The following SAMD5 variants were observed in gnomAD, a reference collection of about 807,000 sequenced individuals.
SAMD5 encodes sterile alpha motif domain containing 5.
Under a neutral mutation model 11.3 loss-of-function variants are expected in SAMD5, and 13 were observed. That is an observed-to-expected ratio of 1.15 (90% CI 0.75 to 1.83). SAMD5 has a LOEUF of 1.83. Among genes scored for constraint, SAMD5 ranks in the 40% most tolerant of loss-of-function variants. The probability of loss-of-function intolerance (pLI) is 0.00; values close to 1 mark genes in which losing one functional copy is unlikely to be tolerated. For missense variants in SAMD5, 255 were observed against 239.1 expected (o/e 1.07, Z -0.44); for synonymous variants, 129 against 111.3 (o/e 1.16, Z -1.00).
intron 1 of SAMD5, among the ~76,000 whole-genome samples, chr6:147,692,919 A>G (rs1189189019): frequency 6.6e-6 from 1 of 152,250 alleles, no homozygotes; most frequent in East Asian, 1.9e-4. Flanking sequence ...CACAATCTCC[A>G]AAAGTTCAGA....
chr6:147,597,452 A>G lies in SAMD5; in HGVS notation c.162+88065A>G, dbSNP rs999700823. Among the ~76,000 whole-genome samples, 4 of 152,300 alleles carry G rather than the reference A, an allele frequency of 2.6e-5. No homozygotes were observed. In the East Asian group the frequency reaches 5.8e-4, roughly 22 times the overall value. ...AATCTATTTGTAATTACTTGAGGTTATCCTTCTCACTCACGTATGTGACAT... is the reference window on the plus strand; with the variant it reads ...AATCTATTTGTAATTACTTGAGGTTGTCCTTCTCACTCACGTATGTGACAT... On this transcript the variant is annotated intron_variant, in intron 1 of 1. Transcript: ENST00000566741.
the SAMD5 span, among the ~76,000 whole-genome samples, chr6:147,925,937 G>C: frequency 6.6e-6 from 1 of 152,166 alleles, no homozygotes; most frequent in Non-Finnish European, 1.5e-5. Flanking sequence ...AGAAAATGCA[G>C]TATTTGGGTT....
At chr6:147,817,487 C>T in the SAMD5 span, among the ~76,000 whole-genome samples, 1 of 152,230 alleles carries the variant, frequency 6.6e-6, no homozygotes, top group Non-Finnish European at 1.5e-5. Flanking sequence ...CATGCATCAC[C>T]ATGTCTTTTT....
intron 1 of SAMD5, among the ~76,000 whole-genome samples, chr6:147,523,476 T>G (rs1318878118): frequency 6.6e-6 from 1 of 152,232 alleles, no homozygotes; most frequent in East Asian, 1.9e-4. Context: ...ACCCAACACT[T>G]TCCAAGGTAA....
At chr6:147,797,458 G>A in the SAMD5 span, among the ~76,000 whole-genome samples, 1 of 90,880 alleles carries the variant, frequency 1.1e-5, no homozygotes, top group Non-Finnish European at 1.9e-5. Context: ...TGTGCTGCTT[G>A]ATTCGGTTTG....
chr6:147,909,630 T>TCTCTCTCTCTCTCTCTCTCTC, the SAMD5 span, among the ~76,000 whole-genome samples: 1 of 44,538 alleles, frequency 2.2e-5, no homozygotes, highest in African/African-American at 1.3e-4. Context: ...CTTTCTTTCT[T>TCTCTCTCTCTCTCTCTCTCTC]TCTCTTTCTT....
chr6:147,717,623 T>A (rs9403881), intron 1 of SAMD5, among the ~76,000 whole-genome samples: 68,337 of 152,056 alleles, frequency 0.45, 16,369 homozygotes, highest in Non-Finnish European at 0.52. Flanking sequence ...TTATCTACAA[T>A]GAATTTTAAA....
the SAMD5 span, among the ~76,000 whole-genome samples, chr6:147,929,063 T>G: frequency 6.6e-6 from 1 of 152,140 alleles, no homozygotes; most frequent in Non-Finnish European, 1.5e-5. Context: ...TGCTGAGGAT[T>G]GTTTTTCATG....
the SAMD5 span, among the ~76,000 whole-genome samples, chr6:147,938,800 G>A: frequency 1.3e-5 from 2 of 152,320 alleles, no homozygotes; most frequent in African/African-American, 2.4e-5. Flanking sequence ...GACTTGGTAT[G>A]TACTGTTTTT....
chr6:147,921,215 A>G, the SAMD5 span, among the ~76,000 whole-genome samples: 9 of 151,958 alleles, frequency 5.9e-5, no homozygotes, highest in South Asian at 1.9e-3. Flanking sequence ...GGTTGTCTAT[A>G]AAATTCATTC....
At chr6:147,815,942 C>T in the SAMD5 span, among the ~76,000 whole-genome samples, 1 of 151,974 alleles carries the variant, frequency 6.6e-6, no homozygotes, top group African/African-American at 2.4e-5. Context: ...GGAATTTAAG[C>T]TTGCTATGCT....
At chr6:147,898,213 T>C in the SAMD5 span, among the ~76,000 whole-genome samples, 2 of 152,108 alleles carry the variant, frequency 1.3e-5, no homozygotes, top group Non-Finnish European at 2.9e-5. Context: ...CAGCGTGATA[T>C]ATGACTGCCA....
chr6:147,620,141 A>G (rs1295351623), intron 1 of SAMD5, among the ~76,000 whole-genome samples: 1 of 152,168 alleles, frequency 6.6e-6, no homozygotes, highest in Non-Finnish European at 1.5e-5. Context: ...CTGCTTAGGG[A>G]AGCCCCGTGC....
chr6:147,529,495 A>T (rs1306617809), intron 1 of SAMD5, among the ~76,000 whole-genome samples: 1 of 152,218 alleles, frequency 6.6e-6, no homozygotes, highest in Non-Finnish European at 1.5e-5. Context: ...CTTATAATGT[A>T]TACACGCAGA....
At chr6:147,601,890 C>T (rs1789620463) in intron 1 of SAMD5, among the ~76,000 whole-genome samples, 1 of 152,066 alleles carries the variant, frequency 6.6e-6, no homozygotes, top group South Asian at 2.1e-4. Flanking sequence ...AGGGAGTGTT[C>T]ATATTTCGTG....
intron 1 of SAMD5, among the ~76,000 whole-genome samples, chr6:147,647,066 C>T (rs1258943090): frequency 1.3e-5 from 2 of 151,544 alleles, no homozygotes; most frequent in Non-Finnish European, 2.9e-5. Flanking sequence ...ACTCAGGAGG[C>T]TGAGGCAGGA....
chr6:147,908,621 T>C, the SAMD5 span, among the ~76,000 whole-genome samples: 2 of 152,204 alleles, frequency 1.3e-5, no homozygotes, highest in Non-Finnish European at 1.5e-5. Flanking sequence ...AGAACAACTA[T>C]ATGTTGCATA....
the SAMD5 span, among the ~76,000 whole-genome samples, chr6:147,911,313 C>T: frequency 3.9e-4 from 59 of 152,252 alleles, 3 homozygotes; most frequent in South Asian, 0.012. Context: ...CTTCTGTTAC[C>T]TTCAAAAGTC....
chr6:147,909,645 T>TTC, the SAMD5 span, among the ~76,000 whole-genome samples: 2 of 148,392 alleles, frequency 1.3e-5, no homozygotes, highest in Non-Finnish European at 3.0e-5. Flanking sequence ...TTTCTTGTCT[T>TTC]TTGTACCATC....
Sources: allele counts gnomAD v4.1 joint callset (sites outside exome capture counted in the v4.1 genomes callset), GRCh38; gene constraint gnomAD v4.1.1; transcripts MANE v1.5; gene names NCBI Gene and HGNC (gene_info 2026-07-23, HGNC 2026-07-21).